Variants in KCNN3 observed in about 807,000 individuals in gnomAD.
KCNN3 encodes small conductance calcium-activated potassium channel protein 3.
KCNN3 carries 16 observed loss-of-function variants against 62.9 expected under a neutral mutation model. That is an observed-to-expected ratio of 0.25 (90% CI 0.17 to 0.39). The LOEUF (loss-of-function observed/expected upper bound fraction) is 0.39, where lower values mean the gene tolerates loss of function less well. Among genes scored for constraint, KCNN3 ranks in the 10% least tolerant of loss-of-function variants. The pLI is 1.00. For missense variants in KCNN3, 599 were observed against 949.4 expected (o/e 0.63, Z 4.85); for synonymous variants, 370 against 389.2 (o/e 0.95, Z 0.58).
rs541230390 is a variant in KCNN3 at position 154,739,220 on chromosome 1, A to G, written c.1449-6076T>C. Among the ~76,000 whole-genome samples the G allele has an allele frequency of 5.3e-5, 8 of 152,360 alleles. No individual in the cohort carries two copies. In the South Asian group the frequency reaches 1.7e-3, roughly 32 times the overall value. On this transcript the variant is annotated intron_variant, in intron 3 of 7. Transcript: ENST00000271915. ...GAAGGATTGACTCTACAGTGTATGC[A>G]CATGTAACTTTGATCATATCAACAG...
chr1:154,718,029 C>T (rs1363924403), intron 5 of KCNN3, among the ~76,000 whole-genome samples: 1 of 152,050 alleles, frequency 6.6e-6, no homozygotes, highest in Non-Finnish European at 1.5e-5. Context: ...GGCTTGGGTA[C>T]CACCTGACCT....
intron 6 of KCNN3, among the ~76,000 whole-genome samples, chr1:154,714,245 GTATGGT>G: frequency 8.7e-6 from 1 of 114,982 alleles, no homozygotes; most frequent in South Asian, 3.0e-4. Context: ...TGTGCGGTGT[GTATGGT>G]GTGTGTGATG....
At chr1:154,714,833 CCA>C in intron 6 of KCNN3, 41 bp downstream of exon 6, 1 of 1,612,084 alleles carries the variant, frequency 6.2e-7, no homozygotes, top group Non-Finnish European at 8.5e-7. Flanking sequence ...CCCGCCACTC[CCA>C]GTCTGGTCAT....
At chr1:154,711,380 T>C (rs939543763) in intron 7 of KCNN3, among the ~76,000 whole-genome samples, 1 of 144,958 alleles carries the variant, frequency 6.9e-6, no homozygotes, top group African/African-American at 2.5e-5. Flanking sequence ...CATTAGGAGA[T>C]ATACCTAATG....
intron 1 of KCNN3, chr1:154,867,917 C>G: frequency 1.0e-6 from 1 of 983,974 alleles, no homozygotes; most frequent in Non-Finnish European, 1.2e-6. Context: ...CAGGAGAGCT[C>G]CCCGGCAAGC....
chr1:154,761,451 G>C (rs1450816007), intron 3 of KCNN3, among the ~76,000 whole-genome samples: 1 of 152,120 alleles, frequency 6.6e-6, no homozygotes, highest in Non-Finnish European at 1.5e-5. Flanking sequence ...CCGGATGACA[G>C]AGCGAGACTC....
chr1:154,787,506 G>A (rs1358063969), intron 2 of KCNN3, among the ~76,000 whole-genome samples: 1 of 152,240 alleles, frequency 6.6e-6, no homozygotes, highest in East Asian at 1.9e-4. Flanking sequence ...GCTTAGAACT[G>A]CGTGTCTGCT....
intron 1 of KCNN3, among the ~76,000 whole-genome samples, chr1:154,858,724 C>G (rs1392369101): frequency 6.6e-6 from 1 of 150,480 alleles, no homozygotes; most frequent in Non-Finnish European, 1.5e-5. Flanking sequence ...TAGCCTCGGA[C>G]AAGTCATGTA....
intron 5 of KCNN3, among the ~76,000 whole-genome samples, chr1:154,722,747 T>C (rs1700382508): frequency 6.7e-6 from 1 of 148,482 alleles, no homozygotes; most frequent in Non-Finnish European, 1.5e-5. Flanking sequence ...TTTTTTCTTT[T>C]TTTTGACAGA....
At chr1:154,858,114 C>T (rs1353935305) in intron 1 of KCNN3, among the ~76,000 whole-genome samples, 1 of 152,184 alleles carries the variant, frequency 6.6e-6, no homozygotes, top group Non-Finnish European at 1.5e-5. Context: ...CGTCAGGTGT[C>T]TTCTGCCAAA....
At chr1:154,805,288 C>A (rs1445094713) in intron 2 of KCNN3, among the ~76,000 whole-genome samples, 3 of 152,116 alleles carry the variant, frequency 2.0e-5, no homozygotes, top group African/African-American at 7.2e-5. Context: ...TAGTTCAGGG[C>A]AATGATTCTC....
intron 1 of KCNN3, among the ~76,000 whole-genome samples, chr1:154,853,946 A>C (rs1449737134): frequency 6.7e-6 from 1 of 150,314 alleles, no homozygotes. Flanking sequence ...TCCGTCTCAC[A>C]AAAAAAAAGC....
rs1557931028 is a variant in KCNN3, at chr1:154,702,698, C to CAGAT, written c.*5274_*5277dup. ...GGACGTTGGCTGCTTCGATCTGATTCAGATATATATATATATATATATATA... is the reference window on the plus strand; with the variant it reads ...GGACGTTGGCTGCTTCGATCTGATTCAGATAGATATATATATATATATATATATA... On this transcript the variant is annotated 3_prime_UTR_variant, in exon 8 of 8. Transcript: ENST00000271915. 2 of 71,366 alleles carry CAGAT rather than the reference C, an allele frequency of 2.8e-5. No individual in the cohort carries two copies. Among genetic ancestry groups the CAGAT allele is most frequent in the Non-Finnish European group, 5.1e-5 (2 of 38,880 alleles). The allele number at this position is 71,366 out of a possible 1,614,324, so 4.4% of individuals were successfully genotyped here. A position where few individuals can be genotyped will look rare whatever the true frequency, so the allele number is the denominator to read the frequency against.
In KCNN3 at chr1:154,862,966, G is replaced by T. The variant is rs1652820661; in HGVS notation, c.933+6066C>A. On this transcript the variant is annotated intron_variant, in intron 1 of 7. Transcript: ENST00000271915. The surrounding 1 kb of genome is among the most constrained non-coding windows in gnomAD (Gnocchi z 4.1). ...TCTTATCTCAGTGCCACCACCGCTG[G>T]CAGTGTCAGTGTGGCCCGGTGACTT... Among the ~76,000 whole-genome samples the T allele has an allele frequency of 6.6e-6, 1 of 151,974 alleles. No homozygotes were observed. The highest frequency in any genetic ancestry group is 1.5e-5 in the Non-Finnish European group (1 of 67,986).
intron 2 of KCNN3, among the ~76,000 whole-genome samples, chr1:154,804,335 G>T (rs191329653): frequency 6.6e-6 from 1 of 152,228 alleles, no homozygotes; most frequent in Non-Finnish European, 1.5e-5. Flanking sequence ...TCGCAAATGC[G>T]GATGGATGGC....
At chr1:154,767,281 T>G (rs1356626012) in intron 3 of KCNN3, among the ~76,000 whole-genome samples, 1 of 152,118 alleles carries the variant, frequency 6.6e-6, no homozygotes, top group Non-Finnish European at 1.5e-5. Flanking sequence ...TGCCAAAAGT[T>G]AACCAGCAAA....
Position 154,862,619 on chromosome 1 carries a change from G to A in KCNN3, c.933+6413C>T, listed in dbSNP as rs1652810009. On this transcript the variant is annotated intron_variant, in intron 1 of 7. Transcript: ENST00000271915. The surrounding 1 kb of genome is among the most constrained non-coding windows in gnomAD (Gnocchi z 4.1). ...CTCACAACCTGCCCGGTATCACCCT[G>A]AGGGCAGCAGCACCAGACCCCAGAG... is the stretch of plus-strand genomic sequence containing the variant. Among the ~76,000 whole-genome samples the A allele has an allele frequency of 3.9e-5, 6 of 152,144 alleles. No individual in the cohort carries two copies. Among genetic ancestry groups the A allele is most frequent in the Middle Eastern group, 3.4e-3 (1 of 294 alleles).
At position 154,716,306 on chromosome 1, in the gene KCNN3, C is replaced by G. The variant is rs371093439; in HGVS notation, c.1702-1303G>C. Among the ~76,000 whole-genome samples, 6 of 152,354 alleles carry G rather than the reference C, an allele frequency of 3.9e-5. No individual in the cohort carries two copies. In the East Asian group the frequency reaches 9.6e-4, roughly 24 times the overall value. On this transcript the variant is annotated intron_variant, in intron 5 of 7. Coordinates refer to ENST00000271915, the MANE Select transcript of KCNN3 (RefSeq NM_002249.6). ...CTAAGCAGATTTTTGATTAACCATC[C>G]CCATTTCTGTCAGCCATGCAGACTG...
intron 1 of KCNN3, among the ~76,000 whole-genome samples, chr1:154,839,696 C>A (rs1382285519): frequency 6.6e-6 from 1 of 152,174 alleles, no homozygotes; most frequent in Non-Finnish European, 1.5e-5. Flanking sequence ...GGGGCAGACT[C>A]GGCCACAGAG....
Sources: gnomAD v4.1 joint callset for allele counts (sites outside exome capture counted in the v4.1 genomes callset) on GRCh38, gnomAD v4.1.1 for gene constraint, Gnocchi (gnomAD v3.1) non-coding constraint, MANE v1.5 for transcripts, NCBI Gene and HGNC (gene_info 2026-07-23, HGNC 2026-07-21) for gene names.